The following PID1 variants were observed in gnomAD, a reference collection of about 807,000 sequenced individuals.
PID1 encodes the protein PTB-containing, cubilin and LRP1-interacting protein.
In PID1, 10 loss-of-function variants were observed where a neutral mutation model predicts 19.1. The ratio of observed to expected loss-of-function variants is 0.52; its 90% CI spans 0.32 to 0.89. The LOEUF is 0.89. Among genes scored for constraint, PID1 ranks in the 40% least tolerant of loss-of-function variants. The pLI is 0.03. For missense variants in PID1, 248 were observed against 285.3 expected, an observed-to-expected ratio of 0.87 and a Z score of 0.94; for synonymous variants, 130 against 116.0, an observed-to-expected ratio of 1.12 and a Z score of -0.78.
At chr2:229,077,788 C>G (rs1434871590) in intron 2 of PID1, among the ~76,000 whole-genome samples, 3 of 152,176 alleles carry the variant, frequency 2.0e-5, no homozygotes, top group Admixed American at 2.0e-4. Context: ...GTTACTGCAG[C>G]CTTGTAGTAT....
chr2:229,118,971 A>G (rs555146288), intron 2 of PID1, among the ~76,000 whole-genome samples: 131 of 152,304 alleles, frequency 8.6e-4, no homozygotes, highest in Non-Finnish European at 1.7e-3. Flanking sequence ...AAAAATTCCA[A>G]CTGGGGCAGG....
At chr2:229,105,084 A>AT (rs1352691174) in intron 2 of PID1, among the ~76,000 whole-genome samples, 4 of 152,212 alleles carry the variant, frequency 2.6e-5, no homozygotes, top group Admixed American at 2.0e-4. Flanking sequence ...TGAAACAAAG[A>AT]TTTTTTATCA....
At chr2:229,103,390 G>A (rs1695112040) in intron 2 of PID1, among the ~76,000 whole-genome samples, 1 of 152,114 alleles carries the variant, frequency 6.6e-6, no homozygotes, top group South Asian at 2.1e-4. Flanking sequence ...AAGGCATGTT[G>A]GATGAAGTGA....
chr2:229,099,965 G>C (rs182518442), intron 2 of PID1, among the ~76,000 whole-genome samples: 94 of 152,270 alleles, frequency 6.2e-4, no homozygotes, highest in African/African-American at 2.2e-3. Context: ...GGGGTCAAGG[G>C]GAGGGAATTA....
At chr2:229,214,916 C>T (rs191033092) in intron 1 of PID1, among the ~76,000 whole-genome samples, 33 of 152,150 alleles carry the variant, frequency 2.2e-4, no homozygotes, top group South Asian at 4.2e-4. Flanking sequence ...TACTATTTTA[C>T]AGCTTACTTT....
chr2:229,171,280 C>A (rs116463015), intron 1 of PID1, among the ~76,000 whole-genome samples: 33 of 152,276 alleles, frequency 2.2e-4, no homozygotes, highest in Middle Eastern at 3.4e-3. Flanking sequence ...TAATTTTATT[C>A]CAGGGCTTCA....
intron 1 of PID1, among the ~76,000 whole-genome samples, chr2:229,166,686 T>C (rs1294488655): frequency 6.6e-6 from 1 of 152,106 alleles, no homozygotes; most frequent in African/African-American, 2.4e-5. Context: ...TTACTCCCTA[T>C]GAAATTAATA....
chr2:229,166,374 C>A (rs1690597498), intron 1 of PID1, among the ~76,000 whole-genome samples: 1 of 152,164 alleles, frequency 6.6e-6, no homozygotes, highest in Non-Finnish European at 1.5e-5. Context: ...TGCAGGTTTA[C>A]AAATATCCAA....
chr2:229,110,917 A>T (rs1425974293), intron 2 of PID1, among the ~76,000 whole-genome samples: 1 of 152,082 alleles, frequency 6.6e-6, no homozygotes, highest in Admixed American at 6.5e-5. Flanking sequence ...CTCATCTTGG[A>T]TTGTAGCTCC....
chr2:229,140,975 A>T (rs370694360), intron 2 of PID1, among the ~76,000 whole-genome samples: 24 of 146,234 alleles, frequency 1.6e-4, no homozygotes, highest in Non-Finnish European at 2.0e-4. Flanking sequence ...CAAATAAACT[A>T]TTTTTTTTTT....
At chr2:229,035,426 G>GTC (rs377183491) in intron 2 of PID1, among the ~76,000 whole-genome samples, 3 of 150,166 alleles carry the variant, frequency 2.0e-5, no homozygotes, top group East Asian at 2.0e-4. Flanking sequence ...AGATATGTCT[G>GTC]TCTCTCTCTC....
chr2:229,238,389 AG>A (rs1422630753), intron 1 of PID1, among the ~76,000 whole-genome samples: 2 of 152,196 alleles, frequency 1.3e-5, no homozygotes, highest in Non-Finnish European at 2.9e-5. Context: ...CAAAAACCGC[AG>A]GCCAGAGCCC....
At chr2:229,139,055 A>G (rs796415296) in intron 2 of PID1, among the ~76,000 whole-genome samples, 554 of 44,026 alleles carry the variant, frequency 0.013, 21 homozygotes, top group Middle Eastern at 0.023. Context: ...GAAAGAAAGA[A>G]AGAGAAAGAA....
intron 1 of PID1, among the ~76,000 whole-genome samples, chr2:229,227,726 T>C (rs960997873): frequency 6.6e-6 from 1 of 152,176 alleles, no homozygotes; most frequent in Non-Finnish European, 1.5e-5. Context: ...TACCTGTGGG[T>C]TCTGCATCAG....
intron 1 of PID1, among the ~76,000 whole-genome samples, chr2:229,245,752 G>A (rs533326149): frequency 6.6e-6 from 1 of 152,204 alleles, no homozygotes; most frequent in Non-Finnish European, 1.5e-5. Flanking sequence ...TTTGCTGAAT[G>A]GGGAAATTGA....
chr2:229,191,272 G>A (rs1691255417), intron 1 of PID1, among the ~76,000 whole-genome samples: 1 of 152,108 alleles, frequency 6.6e-6, no homozygotes. Context: ...GAGAACAAGT[G>A]GGCTAAAGGA....
At chr2:229,110,996 A>G (rs1218885242) in intron 2 of PID1, among the ~76,000 whole-genome samples, 1 of 152,150 alleles carries the variant, frequency 6.6e-6, no homozygotes, top group East Asian at 1.9e-4. Context: ...GTTTCCCCAT[A>G]CTGTTCCCAT....
At chr2:229,139,103 GAAAGAAAGAAAGAGAA>G (rs879739520) in intron 2 of PID1, among the ~76,000 whole-genome samples, 3 of 66,700 alleles carry the variant, frequency 4.5e-5, no homozygotes, top group Admixed American at 1.6e-4. Flanking sequence ...AAGAAAGAAA[GAAAGAAAGAAAGAGAA>G]AGAAAGAAAG....
intron 1 of PID1, among the ~76,000 whole-genome samples, chr2:229,159,930 G>C (rs1022547145): frequency 6.6e-6 from 1 of 152,142 alleles, no homozygotes; most frequent in Admixed American, 6.5e-5. Flanking sequence ...GAGCCACATA[G>C]GTCACTGAGA....
Sources: allele counts gnomAD v4.1 joint callset (sites outside exome capture counted in the v4.1 genomes callset), GRCh38; gene constraint gnomAD v4.1.1; transcripts MANE v1.5; gene names NCBI Gene and HGNC (gene_info 2026-07-23, HGNC 2026-07-21).